Variants in DLG2 observed in about 807,000 individuals in gnomAD.
DLG2 encodes the protein discs large MAGUK scaffold protein 2, also known as disks large homolog 2.
A neutral mutation model predicts 132.5 loss-of-function variants in DLG2; 45 were observed. The ratio of observed to expected loss-of-function variants is 0.34; its 90% confidence interval spans 0.27 to 0.44. The LOEUF (loss-of-function observed/expected upper bound fraction) is 0.44. DLG2 is among the 20% of genes least tolerant of loss of function. The probability of loss-of-function intolerance (pLI) is 1.00; values close to 1 mark genes in which losing one functional copy is unlikely to be tolerated. For missense variants in DLG2, 1,045 were observed against 1,196.9 expected (o/e 0.87, Z 1.87); for synonymous variants, 424 against 419.6 (o/e 1.01, Z -0.13).
chr11:83,963,581 T>G (rs1432909133), intron 13 of DLG2, among the ~76,000 whole-genome samples: 1 of 151,960 alleles, frequency 6.6e-6, no homozygotes, highest in East Asian at 1.9e-4. Context: ...TTCTCTCTCC[T>G]CAAATCCATT....
intron 6 of DLG2, among the ~76,000 whole-genome samples, chr11:85,030,605 A>C (rs573284166): frequency 1.3e-5 from 2 of 152,320 alleles, no homozygotes; most frequent in South Asian, 4.1e-4. Context: ...ATAGGAAGAA[A>C]GTTCCCTTTA....
intron 3 of DLG2, among the ~76,000 whole-genome samples, chr11:85,470,625 G>GGCTGAT (rs2092955618): frequency 3.9e-5 from 6 of 152,132 alleles, no homozygotes; most frequent in African/African-American, 1.4e-4. Context: ...CTGAGGCTGA[G>GGCTGAT]GCTGAGGCAT....
chr11:84,566,924 A>T (rs754052508), intron 6 of DLG2, among the ~76,000 whole-genome samples: 4 of 152,198 alleles, frequency 2.6e-5, no homozygotes, highest in Non-Finnish European at 5.9e-5. Flanking sequence ...TTAATTATAC[A>T]AAATGAGGAC....
At chr11:84,417,305 T>C (rs1298462453) in intron 7 of DLG2, among the ~76,000 whole-genome samples, 1 of 152,230 alleles carries the variant, frequency 6.6e-6, no homozygotes, top group Non-Finnish European at 1.5e-5. Flanking sequence ...AAAACAGTGA[T>C]AATAGTATCT....
intron 7 of DLG2, among the ~76,000 whole-genome samples, chr11:84,391,109 T>C (rs1363872605): frequency 2.0e-5 from 3 of 152,198 alleles, no homozygotes; most frequent in East Asian, 1.9e-4. Flanking sequence ...TGAATGTTAA[T>C]GTCACTAGGT....
chr11:84,352,534 G>A (rs2098583873), intron 7 of DLG2, among the ~76,000 whole-genome samples: 1 of 152,160 alleles, frequency 6.6e-6, no homozygotes, highest in South Asian at 2.1e-4. Context: ...TTTCCTGTAT[G>A]TTTCCAGCTA....
rs555438848 is a variant in DLG2 at position 85,323,050 on chromosome 11, T to C, written c.41-37685A>G. Among the ~76,000 whole-genome samples the C allele has an allele frequency of 3.3e-5, 5 of 152,360 alleles. No individual in the cohort carries two copies. The East Asian group carries it at 7.7e-4, about 23-fold the overall frequency. ...AAATAAAGTAAAACAATTCTTAATA[T>C]GGCCTGCAAGGCCCCCAATAATCTA... On this transcript the variant is annotated intron_variant, in intron 3 of 27. Coordinates refer to ENST00000376104, the MANE Select transcript of DLG2 (RefSeq NM_001142699.3).
chr11:83,560,195 G>C (rs1471755689), intron 19 of DLG2, among the ~76,000 whole-genome samples: 1 of 151,754 alleles, frequency 6.6e-6, no homozygotes, highest in Non-Finnish European at 1.5e-5. Flanking sequence ...TTGGCTCACT[G>C]CAACCTCTGC....
At chr11:83,472,828 A>G in intron 22 of DLG2, 51 bp from the exon 23 acceptor site, 1 of 1,488,326 alleles carries the variant, frequency 6.7e-7, no homozygotes. Flanking sequence ...CATATATTAC[A>G]GAGACAAGCC....
chr11:85,420,334 T>A (rs1004357130), intron 3 of DLG2, among the ~76,000 whole-genome samples: 1 of 151,918 alleles, frequency 6.6e-6, no homozygotes, highest in East Asian at 1.9e-4. Flanking sequence ...GCCCACCAGA[T>A]GCCAGCCAGA....
At chr11:83,611,678 T>G (rs1326175553) in intron 19 of DLG2, among the ~76,000 whole-genome samples, 2 of 152,252 alleles carry the variant, frequency 1.3e-5, no homozygotes, top group Non-Finnish European at 2.9e-5. Context: ...TGAATGGTAC[T>G]GAATGATTAC....
chr11:84,845,758 C>T (rs945357536), intron 6 of DLG2, among the ~76,000 whole-genome samples: 16 of 151,280 alleles, frequency 1.1e-4, no homozygotes, highest in African/African-American at 2.9e-4. Flanking sequence ...CAGCTCACTG[C>T]AACCTTCACC....
chr11:84,168,468 T>C (rs1014707291), intron 8 of DLG2, among the ~76,000 whole-genome samples: 3 of 152,230 alleles, frequency 2.0e-5, no homozygotes, highest in Non-Finnish European at 2.9e-5. Flanking sequence ...GTGATCATCA[T>C]GCAAATTGGG....
At chr11:85,348,720 T>A (rs2083055060) in intron 3 of DLG2, among the ~76,000 whole-genome samples, 1 of 152,014 alleles carries the variant, frequency 6.6e-6, no homozygotes, top group Non-Finnish European at 1.5e-5. Flanking sequence ...AGCCAGAAAT[T>A]TAGGAGTCAT....
intron 7 of DLG2, among the ~76,000 whole-genome samples, chr11:84,412,652 G>A (rs143184688): frequency 1.3e-5 from 2 of 152,270 alleles, no homozygotes; most frequent in East Asian, 3.9e-4. Context: ...CTAGGTGAGG[G>A]AGCTGAGCAC....
At chr11:83,878,369 T>A (rs1654447251) in intron 15 of DLG2, among the ~76,000 whole-genome samples, 2 of 152,152 alleles carry the variant, frequency 1.3e-5, no homozygotes, top group African/African-American at 4.8e-5. Flanking sequence ...AATTCTGCAA[T>A]AGCATCAAGA....
intron 3 of DLG2, among the ~76,000 whole-genome samples, chr11:85,329,122 AAG>A (rs1177784379): frequency 6.7e-4 from 25 of 37,076 alleles, no homozygotes; most frequent in African/African-American, 2.6e-3. Context: ...AAGGAAATAA[AAG>A]AGGACACAAA....
In DLG2 at chr11:84,617,571, C is replaced by T. The variant is rs543064512; in HGVS notation, c.358-82840G>A. ...TGAGGAATGGCCACACTGTCTTCCA[C>T]AATGGTTGAACTAATTTACACGCCC... On this transcript the variant is annotated intron_variant, in intron 6 of 27. Transcript: ENST00000376104. Among the ~76,000 whole-genome samples the T allele has an allele frequency of 2.0e-5, 3 of 152,252 alleles. No homozygotes were observed. In the East Asian group the frequency reaches 5.8e-4, roughly 29 times the overall value.
intron 7 of DLG2, among the ~76,000 whole-genome samples, chr11:84,513,932 A>G (rs1466369604): frequency 6.6e-6 from 1 of 152,068 alleles, no homozygotes; most frequent in Non-Finnish European, 1.5e-5. Flanking sequence ...ATCATTTGCC[A>G]GTTACCTGTC....
Sources: gnomAD v4.1 joint callset for allele counts (sites outside exome capture counted in the v4.1 genomes callset) on GRCh38, gnomAD v4.1.1 for gene constraint, MANE v1.5 for transcripts, NCBI Gene and HGNC (gene_info 2026-07-23, HGNC 2026-07-21) for gene names.